Variants in HIPK2 observed in about 807,000 individuals in gnomAD.
HIPK2 encodes the protein homeodomain-interacting protein kinase 2.
HIPK2 carries 27 observed loss-of-function variants against 113.7 expected under a neutral mutation model. The ratio of observed to expected loss-of-function variants is 0.24; its 90% CI spans 0.17 to 0.33. The LOEUF (loss-of-function observed/expected upper bound fraction) is 0.33, where lower values mean the gene tolerates loss of function less well. HIPK2 is among the 10% of genes least tolerant of loss of function. The pLI is 1.00. For missense variants in HIPK2, 1,257 were observed against 1,588.0 expected, an observed-to-expected ratio of 0.79 and a Z score of 3.54; for synonymous variants, 631 against 642.2, an observed-to-expected ratio of 0.98 and a Z score of 0.26.
At chr7:139,612,067 T>G (rs1412558124) in intron 9 of HIPK2, among the ~76,000 whole-genome samples, 1 of 151,962 alleles carries the variant, frequency 6.6e-6, no homozygotes, top group African/African-American at 2.4e-5. Context: ...TGAAGAACTC[T>G]CTGGGAACAG....
chr7:139,757,095 T>TA (rs1436310493), intron 1 of HIPK2, among the ~76,000 whole-genome samples: 1 of 152,136 alleles, frequency 6.6e-6, no homozygotes, highest in African/African-American at 2.4e-5. Context: ...AATCTAGAGC[T>TA]AAAAATCATC....
chr7:139,759,429 T>C (rs1186839323), intron 1 of HIPK2, among the ~76,000 whole-genome samples: 5 of 152,212 alleles, frequency 3.3e-5, no homozygotes, highest in Non-Finnish European at 7.3e-5. Flanking sequence ...TAATCCCATT[T>C]CTAGGATTTC....
intron 2 of HIPK2, among the ~76,000 whole-genome samples, chr7:139,689,203 G>C (rs1794325384): frequency 6.6e-6 from 1 of 152,196 alleles, no homozygotes; most frequent in Non-Finnish European, 1.5e-5. Flanking sequence ...TGAACTGCTG[G>C]TAGGGAAAAC....
chr7:139,623,817 C>T (rs1395081078), intron 6 of HIPK2, among the ~76,000 whole-genome samples: 5 of 152,200 alleles, frequency 3.3e-5, no homozygotes, highest in African/African-American at 1.2e-4. Context: ...CAGGGCCCGC[C>T]ATGATACGCA....
At chr7:139,675,129 T>C (rs763709367) in intron 2 of HIPK2, among the ~76,000 whole-genome samples, 2 of 152,198 alleles carry the variant, frequency 1.3e-5, no homozygotes, top group African/African-American at 2.4e-5. Context: ...AGAAGCTTGC[T>C]CTTACCGTTA....
rs1361250804 is a variant in HIPK2, at chr7:139,572,866, T to C, written c.*61A>G. On this transcript the variant is annotated 3_prime_UTR_variant, in exon 15 of 15. Transcript: ENST00000406875. ...ACGGTCCCAGGAGCGCCTCCCTCCT[T>C]CTCTCCCTCCTCCCTCGGGCCATTC... 1.0e-5 allele frequency: 13 copies of C among 1,277,970 alleles called. No homozygotes were observed. The East Asian group carries it at 2.1e-4, about 21-fold the overall frequency. 79.2% of individuals were successfully genotyped at this position (1,277,970 alleles called of 1,614,324 possible). A position where few individuals can be genotyped will look rare whatever the true frequency, so the allele number is the denominator to read the frequency against.
intron 1 of HIPK2, among the ~76,000 whole-genome samples, chr7:139,775,516 C>T (rs533355034): frequency 1.0e-3 from 152 of 152,022 alleles, no homozygotes; most frequent in African/African-American, 3.5e-3. Context: ...GATAAACATC[C>T]GGAATAAAAG....
At chr7:139,577,960 C>T (rs976894820) in intron 13 of HIPK2, among the ~76,000 whole-genome samples, 1 of 152,122 alleles carries the variant, frequency 6.6e-6, no homozygotes, top group Non-Finnish European at 1.5e-5. Context: ...AAGTGATTCT[C>T]GTGCCTCAAC....
At chr7:139,659,037 G>A (rs1189447498) in intron 2 of HIPK2, among the ~76,000 whole-genome samples, 1 of 152,096 alleles carries the variant, frequency 6.6e-6, no homozygotes. Flanking sequence ...ACTGACTGAT[G>A]GACATATTTC....
At chr7:139,636,660 G>C (rs1181766938) in intron 2 of HIPK2, among the ~76,000 whole-genome samples, 1 of 152,102 alleles carries the variant, frequency 6.6e-6, no homozygotes. Flanking sequence ...GACAAGGAAG[G>C]CTCTACCCCT....
chr7:139,768,310 G>A (rs1796586279), intron 1 of HIPK2, among the ~76,000 whole-genome samples: 1 of 152,216 alleles, frequency 6.6e-6, no homozygotes, highest in African/African-American at 2.4e-5. Context: ...CAGGCAGGTG[G>A]GGAGTAGCCC....
chr7:139,774,195 C>G (rs1055391382), intron 1 of HIPK2, among the ~76,000 whole-genome samples: 5 of 152,196 alleles, frequency 3.3e-5, no homozygotes, highest in Non-Finnish European at 5.9e-5. Context: ...CTGGAGTCAT[C>G]ATGTCTGTAA....
Position 139,631,132 on chromosome 7 carries a change from C to T in HIPK2, c.1347+33G>A. 6.3e-7 allele frequency: 1 copy of T among 1,590,286 alleles called. No homozygotes were observed. The highest frequency in any genetic ancestry group is 8.6e-7 in the Non-Finnish European group (1 of 1,167,706). Reference sequence around the variant, plus strand: ...CGGCCCTCTTCCCTAAGCGCTGGGCCACTGTGAGGAGTGGAGGAGACGCTC... The same window carrying T: ...CGGCCCTCTTCCCTAAGCGCTGGGCTACTGTGAGGAGTGGAGGAGACGCTC... On this transcript the variant is annotated intron_variant, in intron 4 of 14. Transcript: ENST00000406875. The surrounding 1 kb of genome is among the most constrained non-coding windows in gnomAD (Gnocchi z 4.9).
chr7:139,711,394 C>A (rs1345927087), intron 2 of HIPK2, among the ~76,000 whole-genome samples: 1 of 152,024 alleles, frequency 6.6e-6, no homozygotes, highest in Non-Finnish European at 1.5e-5. Flanking sequence ...CACCACTGCA[C>A]TCCAGTCTGG....
At chr7:139,620,028 G>C (rs1228573857) in intron 7 of HIPK2, among the ~76,000 whole-genome samples, 1 of 152,160 alleles carries the variant, frequency 6.6e-6, no homozygotes, top group Non-Finnish European at 1.5e-5. Flanking sequence ...CTCCCAAAGT[G>C]CTGGGGTTAT....
At chr7:139,647,774 TA>T (rs1213911793) in intron 2 of HIPK2, among the ~76,000 whole-genome samples, 1 of 152,150 alleles carries the variant, frequency 6.6e-6, no homozygotes, top group Non-Finnish European at 1.5e-5. Context: ...ATTAAACCCA[TA>T]AAAAAACCTG....
chr7:139,727,935 ATT>A (rs10524758), intron 1 of HIPK2, among the ~76,000 whole-genome samples: 183 of 116,660 alleles, frequency 1.6e-3, no homozygotes, highest in East Asian at 0.015. Flanking sequence ...GCATTGGCTA[ATT>A]TTTTTTTTTT....
At chr7:139,766,147 T>C (rs2117159521) in intron 1 of HIPK2, among the ~76,000 whole-genome samples, 1 of 152,352 alleles carries the variant, frequency 6.6e-6, no homozygotes, top group Non-Finnish European at 1.5e-5. Flanking sequence ...ATCCCATCTC[T>C]GCACTCAGGA....
Position 139,714,854 on chromosome 7 carries a change from C to T in HIPK2, c.1103+1078G>A, listed in dbSNP as rs188838282. Among the ~76,000 whole-genome samples, 2 of 152,360 alleles carry T rather than the reference C, an allele frequency of 1.3e-5. No individual in the cohort carries two copies. The highest frequency in any genetic ancestry group is 4.8e-5 in the African/African-American group (2 of 41,594). Reference sequence around the variant, plus strand: ...CCATCCCTGCCGCCTCCCCGCTGTGCACCCGCCATGGCCAGCCACGGAGTG... The same window carrying T: ...CCATCCCTGCCGCCTCCCCGCTGTGTACCCGCCATGGCCAGCCACGGAGTG... On this transcript the variant is annotated intron_variant, in intron 2 of 14. Coordinates refer to ENST00000406875, the MANE Select transcript of HIPK2 (RefSeq NM_022740.5). The surrounding 1 kb of genome is among the most constrained non-coding windows in gnomAD (Gnocchi z 4.2).
Sources: gnomAD v4.1 joint callset for allele counts (sites outside exome capture counted in the v4.1 genomes callset) on GRCh38, gnomAD v4.1.1 for gene constraint, Gnocchi (gnomAD v3.1) non-coding constraint, MANE v1.5 for transcripts, NCBI Gene and HGNC (gene_info 2026-07-23, HGNC 2026-07-21) for gene names.